DNAJC1: variants seen among roughly 807,000 people sequenced by gnomAD.
DNAJC1 encodes dnaJ homolog subfamily C member 1.
DNAJC1 carries 58 observed loss-of-function variants against 76.6 expected under a neutral mutation model. The ratio of observed to expected loss-of-function variants is 0.76; its 90% CI spans 0.61 to 0.94. The LOEUF is 0.94. DNAJC1 is among the 40% of genes least tolerant of loss of function. The probability of loss-of-function intolerance (pLI) is 0.00; values close to 1 mark genes in which losing one functional copy is unlikely to be tolerated. For synonymous variants in DNAJC1, 258 were observed against 267.9 expected (o/e 0.96, Z 0.36); for missense variants, 689 against 677.3 (o/e 1.02, Z -0.19).
chr10:21,795,886 T>G (rs1433733314), intron 9 of DNAJC1, among the ~76,000 whole-genome samples: 5 of 152,148 alleles, frequency 3.3e-5, no homozygotes, highest in Admixed American at 3.3e-4. Flanking sequence ...TCATGTAGTA[T>G]CTGTCCTTAT....
intron 9 of DNAJC1, among the ~76,000 whole-genome samples, chr10:21,783,830 G>A (rs1589978866): frequency 6.6e-6 from 1 of 152,264 alleles, no homozygotes; most frequent in East Asian, 1.9e-4. Flanking sequence ...AAATGGTGCT[G>A]GGAAAACTGG....
At chr10:21,910,494 T>A (rs1421207379) in intron 6 of DNAJC1, among the ~76,000 whole-genome samples, 1 of 151,994 alleles carries the variant, frequency 6.6e-6, no homozygotes, top group African/African-American at 2.4e-5. Flanking sequence ...CACTTTTATC[T>A]CTCCATATAA....
chr10:21,913,943 G>A (rs539271007), intron 6 of DNAJC1, among the ~76,000 whole-genome samples: 13 of 152,208 alleles, frequency 8.5e-5, no homozygotes, highest in African/African-American at 3.1e-4. Flanking sequence ...ACTTCCTGAA[G>A]CTCCCCCTGC....
At chr10:21,816,748 TGTTAACAA>T (rs1313096525) in intron 8 of DNAJC1, among the ~76,000 whole-genome samples, 1 of 145,442 alleles carries the variant, frequency 6.9e-6, no homozygotes, top group African/African-American at 2.5e-5. Context: ...GGTTTCACCG[TGTTAACAA>T]GGATGGTCTC....
rs766925463 is a variant in DNAJC1 at position 21,904,558 on chromosome 10, C to T, written c.784G>A (p.Asp262Asn). 1 of 1,607,068 alleles carries T rather than the reference C, an allele frequency of 6.2e-7. No homozygotes were observed. The highest frequency in any genetic ancestry group is 1.7e-5 in the Admixed American group (1 of 59,186). The change falls in exon 7 of 12, where the codon GAT (aspartate) becomes AAT (asparagine). Residue 262 changes from aspartate (D) to asparagine (N), a missense_variant. Transcript: ENST00000376980. ...YKETRLKEKE[D>N]ALTRTELETL... ...TCAAGTTCAGTTCTAGTCAGTGCAT[C>T]TTCCTTTTCCTTCAATCTTGTTTCT... is the stretch of plus-strand genomic sequence containing the variant.
chr10:21,889,814 G>A (rs1418842175), intron 7 of DNAJC1, among the ~76,000 whole-genome samples: 1 of 152,154 alleles, frequency 6.6e-6, no homozygotes, highest in East Asian at 1.9e-4. Flanking sequence ...CTTTTGTCTA[G>A]AAGATAAAGC....
intron 1 of DNAJC1, among the ~76,000 whole-genome samples, chr10:21,936,214 T>G (rs949325536): frequency 6.6e-6 from 1 of 152,120 alleles, no homozygotes; most frequent in East Asian, 1.9e-4. Context: ...GGAGGACACA[T>G]AGAAGGGACC....
chr10:21,802,174 G>A (rs1834821221), intron 9 of DNAJC1, among the ~76,000 whole-genome samples: 1 of 152,088 alleles, frequency 6.6e-6, no homozygotes, highest in Non-Finnish European at 1.5e-5. Flanking sequence ...AGAAGGAAGG[G>A]AGAGGAGTAT....
rs1837252762 is a variant in DNAJC1, at chr10:21,932,978, T to C, written c.223-3837A>G. Among the ~76,000 whole-genome samples the C allele has an allele frequency of 1.3e-5, 2 of 152,188 alleles. 1 individual carries two copies. Among genetic ancestry groups the C allele is most frequent in the Admixed American group, 1.3e-4 (2 of 15,266 alleles). ...CAAACAATGAATATAATAAATTGTTTCTATAAGTATAGAAAAAAGCTTGAA... is the reference window on the plus strand; with the variant it reads ...CAAACAATGAATATAATAAATTGTTCCTATAAGTATAGAAAAAAGCTTGAA... On this transcript the variant is annotated intron_variant, in intron 1 of 11. Coordinates refer to ENST00000376980, the MANE Select transcript of DNAJC1 (RefSeq NM_022365.4).
chr10:21,930,125 G>A (rs1188487482), intron 1 of DNAJC1, among the ~76,000 whole-genome samples: 1 of 152,102 alleles, frequency 6.6e-6, no homozygotes, highest in African/African-American at 2.4e-5. Context: ...ATAGGCATGC[G>A]CCACCACACC....
In DNAJC1 at chr10:21,982,717, T is replaced by TA. The variant is rs576398958; in HGVS notation, c.222+20495dup. Reference sequence around the variant, plus strand: ...CTCTCACCTATTAGGATAGCTATCATAAAAAAAAAAAAAAAGTAAAAACTA... The same window carrying TA: ...CTCTCACCTATTAGGATAGCTATCATAAAAAAAAAAAAAAAAGTAAAAACTA... On this transcript the variant is annotated intron_variant, in intron 1 of 11. Transcript: ENST00000376980. 2.8e-3 allele frequency among the ~76,000 whole-genome samples: 357 copies of TA among 127,148 alleles called. 5 individuals are homozygous for TA. The East Asian group carries it at 0.038, about 14-fold the overall frequency. The allele number at this position is 127,148 out of a possible 152,430, so 83.4% of individuals were successfully genotyped here. A position where few individuals can be genotyped will look rare whatever the true frequency, so the allele number is the denominator to read the frequency against.
chr10:21,854,941 C>G (rs969256025), intron 8 of DNAJC1, among the ~76,000 whole-genome samples: 2 of 152,128 alleles, frequency 1.3e-5, no homozygotes, highest in African/African-American at 4.8e-5. Context: ...CTGTGAAATA[C>G]AGTCTTCGAT....
intron 1 of DNAJC1, among the ~76,000 whole-genome samples, chr10:21,956,949 T>C (rs1837696954): frequency 6.6e-6 from 1 of 151,020 alleles, no homozygotes; most frequent in South Asian, 2.1e-4. Flanking sequence ...CAGGCTACAG[T>C]GCAGCGATCT....
At position 21,833,536 on chromosome 10, in the gene DNAJC1, G is replaced by A. The variant is rs76541836; in HGVS notation, c.979-27437C>T. Among the ~76,000 whole-genome samples, 590 of 152,242 alleles carry A rather than the reference G, an allele frequency of 3.9e-3. 5 individuals carry two copies. Among genetic ancestry groups the A allele is most frequent in the African/African-American group, 0.013 (557 of 41,564 alleles). ...ATTCTGAAACCAGTGAAGTGGGTGT[G>A]AATCACGGCTATGTCATGTATTAGC... On this transcript the variant is annotated intron_variant, in intron 8 of 11. Transcript: ENST00000376980.
intron 8 of DNAJC1, among the ~76,000 whole-genome samples, chr10:21,856,312 A>C (rs1270107178): frequency 6.6e-6 from 1 of 152,228 alleles, no homozygotes; most frequent in Non-Finnish European, 1.5e-5. Flanking sequence ...ATTATACAAA[A>C]AAGTAATAAT....
chr10:21,769,520 A>C (rs1834347758), intron 9 of DNAJC1, among the ~76,000 whole-genome samples: 1 of 152,208 alleles, frequency 6.6e-6, no homozygotes, highest in South Asian at 2.1e-4. Context: ...ACTATAACAT[A>C]ACCACCTTTT....
intron 9 of DNAJC1, among the ~76,000 whole-genome samples, chr10:21,789,095 C>A (rs1175386813): frequency 6.6e-6 from 1 of 152,128 alleles, no homozygotes; most frequent in African/African-American, 2.4e-5. Context: ...GTAGGCCATG[C>A]CAGATCTGAC....
intron 6 of DNAJC1, among the ~76,000 whole-genome samples, chr10:21,912,976 C>T (rs964118538): frequency 1.3e-5 from 2 of 150,518 alleles, no homozygotes; most frequent in African/African-American, 4.9e-5. Context: ...ACTCCCTTTA[C>T]TCTTAGGCAA....
chr10:21,794,480 T>C (rs544945783), intron 9 of DNAJC1, among the ~76,000 whole-genome samples: 3 of 152,220 alleles, frequency 2.0e-5, no homozygotes, highest in South Asian at 4.1e-4. Flanking sequence ...TCTCTCCAAA[T>C]TGATCTATAG....
Sources: gnomAD v4.1 joint callset for allele counts (sites outside exome capture counted in the v4.1 genomes callset) on GRCh38, gnomAD v4.1.1 for gene constraint, MANE v1.5 for transcripts, NCBI Gene and HGNC (gene_info 2026-07-23, HGNC 2026-07-21) for gene names.